Variants in HAGH observed in about 807,000 individuals in gnomAD.
The protein encoded by HAGH is hydroxyacylglutathione hydrolase, also known as hydroxyacylglutathione hydrolase, mitochondrial.
In HAGH, 29 loss-of-function variants were observed where a neutral mutation model predicts 35.1. The observed-to-expected ratio is 0.83, with a 90% CI of 0.62 to 1.13. The LOEUF (loss-of-function observed/expected upper bound fraction) is 1.13, where lower values mean the gene tolerates loss of function less well. Ranked by LOEUF, HAGH falls within the 50% of genes most tolerant of loss-of-function variation. The pLI, the probability that HAGH is intolerant of heterozygous loss-of-function variation, is 0.00. For missense variants in HAGH, 478 were observed against 419.6 expected, an observed-to-expected ratio of 1.14 and a Z score of -1.22; for synonymous variants, 225 against 176.1, an observed-to-expected ratio of 1.28 and a Z score of -2.20.
intron 7 of HAGH, among the ~76,000 whole-genome samples, chr16:1,813,189 A>G (rs1442704093): frequency 2.6e-5 from 4 of 152,130 alleles, no homozygotes; most frequent in Non-Finnish European, 5.9e-5. Flanking sequence ...TTTTGCTGTT[A>G]GTTCCCACAG....
At chr16:1,813,589 T>C (rs1567253523) in intron 7 of HAGH, among the ~76,000 whole-genome samples, 1 of 152,110 alleles carries the variant, frequency 6.6e-6, no homozygotes, top group Non-Finnish European at 1.5e-5. Context: ...GCTAAAGACA[T>C]TCATAGATGG....
chr16:1,819,207 A>C lies in HAGH; in HGVS notation c.449T>G (p.Val150Gly). The change falls in exon 5 of 9, where the codon GTC becomes GGC. Residue 150 changes from valine to glycine, a missense_variant. By Grantham distance (109) the Val-to-Gly change is moderately radical. Coordinates refer to ENST00000397356, the MANE Select transcript of HAGH (RefSeq NM_005326.6). ...LSTLQVGSLN[V>G]KCLATPCHTS... Reference sequence around the variant, plus strand: ...GTGGCACGGGGTCGCCAGGCACTTGACGTTCAGAGACCCCACCTTCAACAA... The same window carrying C: ...GTGGCACGGGGTCGCCAGGCACTTGCCGTTCAGAGACCCCACCTTCAACAA... 1 of 1,609,746 alleles carries C rather than the reference A, an allele frequency of 6.2e-7. No individual in the cohort carries two copies. Among genetic ancestry groups the C allele is most frequent in the Non-Finnish European group, 8.5e-7 (1 of 1,177,146 alleles).
In HAGH at chr16:1,808,938, C is replaced by G; in HGVS notation, c.*345G>C. 1 of 264,480 alleles carries G rather than the reference C, an allele frequency of 3.8e-6. No homozygotes were observed. Among genetic ancestry groups the G allele is most frequent in the Non-Finnish European group, 7.2e-6 (1 of 138,404 alleles). 16.4% of individuals were successfully genotyped at this position (264,480 alleles called of 1,614,324 possible). A position where few individuals can be genotyped will look rare whatever the true frequency, so the allele number is the denominator to read the frequency against. On this transcript the variant is annotated 3_prime_UTR_variant, in exon 9 of 9. Coordinates refer to ENST00000397356, the MANE Select transcript of HAGH (RefSeq NM_005326.6). ...CAAAGGTACCGACCGCAGCAGTGGG[C>G]CTGACAGTCCCATCAGCACCCAGCC...
At chr16:1,824,496 T>TA (rs1898305829) in intron 1 of HAGH, among the ~76,000 whole-genome samples, 1 of 152,138 alleles carries the variant, frequency 6.6e-6, no homozygotes, top group African/African-American at 2.4e-5. Context: ...AAACTCCTAC[T>TA]AAATCTAAAA....
intron 3 of HAGH, 63 bp from the exon 4 acceptor site, chr16:1,820,077 GGGGGCTGCCTGCT>G (rs1898085915): frequency 6.5e-6 from 2 of 307,508 alleles, no homozygotes; most frequent in Admixed American, 5.5e-5. Flanking sequence ...GCTGAGCTGA[GGGGGCTGCCTGCT>G]GAGCTGAGGG....
intron 7 of HAGH, among the ~76,000 whole-genome samples, chr16:1,811,872 C>T (rs762862949): frequency 2.0e-5 from 3 of 152,082 alleles, no homozygotes; most frequent in African/African-American, 4.8e-5. Flanking sequence ...GTGACACCCA[C>T]GCAATAGTAT....
chr16:1,816,650 G>C (rs533292808), intron 7 of HAGH, among the ~76,000 whole-genome samples: 1 of 152,232 alleles, frequency 6.6e-6, no homozygotes, highest in African/African-American at 2.4e-5. Context: ...CAGAATGTGG[G>C]AACAGGCTGG....
chr16:1,815,686 C>T (rs1465501413), intron 7 of HAGH, among the ~76,000 whole-genome samples: 1 of 152,142 alleles, frequency 6.6e-6, no homozygotes, highest in Non-Finnish European at 1.5e-5. Context: ...CAAGTGCAAA[C>T]ATCATCAACA....
chr16:1,820,604 G>A (rs914670587), intron 3 of HAGH, among the ~76,000 whole-genome samples: 7 of 152,156 alleles, frequency 4.6e-5, no homozygotes, highest in African/African-American at 1.4e-4. Flanking sequence ...CCTCCTACGC[G>A]CCCAGGTTTC....
At chr16:1,816,767 G>A (rs1897910619) in intron 7 of HAGH, 126 bp downstream of exon 7, 1 of 672,622 alleles carries the variant, frequency 1.5e-6, no homozygotes, top group African/African-American at 1.8e-5. Context: ...GGGCCACACT[G>A]GCCTGAATCC....
chr16:1,815,598 G>A (rs569722326), intron 7 of HAGH, among the ~76,000 whole-genome samples: 9 of 152,184 alleles, frequency 5.9e-5, no homozygotes, highest in Non-Finnish European at 1.2e-4. Flanking sequence ...AACAGCTGGC[G>A]GGGACGCCAC....
intron 2 of HAGH, 90 bp downstream of exon 2, chr16:1,822,775 G>T: frequency 9.1e-7 from 1 of 1,100,826 alleles, no homozygotes; most frequent in Non-Finnish European, 1.4e-6. Context: ...AGGCAAAGTT[G>T]CAAGGACACT....
chr16:1,814,144 C>T (rs1434193945), intron 7 of HAGH, among the ~76,000 whole-genome samples: 2 of 152,046 alleles, frequency 1.3e-5, no homozygotes, highest in South Asian at 2.1e-4. Flanking sequence ...TAAGGGTATG[C>T]AAAGATATCT....
At chr16:1,818,580 G>A (rs74002496) in intron 5 of HAGH, 8,576 of 153,892 alleles carry the variant, frequency 0.056, 261 homozygotes, top group East Asian at 0.12. Context: ...TCGGGACAAG[G>A]CCACAGTAAC....
intron 1 of HAGH, among the ~76,000 whole-genome samples, chr16:1,825,046 C>T (rs1189735196): frequency 6.6e-6 from 1 of 152,204 alleles, no homozygotes; most frequent in Non-Finnish European, 1.5e-5. Context: ...TGCCCACGTG[C>T]GGTGGCTCAC....
At chr16:1,824,204 A>AGAGT (rs1201911756) in intron 1 of HAGH, among the ~76,000 whole-genome samples, 7 of 150,624 alleles carry the variant, frequency 4.6e-5, no homozygotes, top group Admixed American at 4.6e-4. Context: ...CCTGGGCAAC[A>AGAGT]GAGTGAGACA....
chr16:1,815,417 C>G lies in HAGH; in HGVS notation c.747+1476G>C, dbSNP rs548408509. On this transcript the variant is annotated intron_variant, in intron 7 of 8. Coordinates refer to ENST00000397356, the MANE Select transcript of HAGH (RefSeq NM_005326.6). ...TATTCAAATAGCAAAAAACTGGAAA[C>G]AGACAAATGCATAAACAAATTGTAG... Among the ~76,000 whole-genome samples the G allele has an allele frequency of 2.0e-5, 3 of 152,292 alleles. No homozygotes were observed. The East Asian group carries it at 5.8e-4, about 29-fold the overall frequency.
chr16:1,814,767 G>C (rs965730445), intron 7 of HAGH, among the ~76,000 whole-genome samples: 1 of 151,796 alleles, frequency 6.6e-6, no homozygotes, highest in African/African-American at 2.4e-5. Context: ...GCGTGGTGAC[G>C]GGCACCTGTA....
intron 3 of HAGH, 53 bp from the exon 4 acceptor site, chr16:1,820,067 G>A (rs1027191401): frequency 5.1e-6 from 5 of 983,236 alleles, no homozygotes; most frequent in Admixed American, 3.6e-5. Flanking sequence ...GGGGCTGCCT[G>A]CTGAGCTGAG....
Sources: allele counts gnomAD v4.1 joint callset (sites outside exome capture counted in the v4.1 genomes callset), GRCh38; gene constraint gnomAD v4.1.1; transcripts MANE v1.5; gene names NCBI Gene and HGNC (gene_info 2026-07-23, HGNC 2026-07-21).